The following CEP57L1 variants were observed in gnomAD, a reference collection of about 807,000 sequenced individuals.
The protein encoded by CEP57L1 is centrosomal protein CEP57L1.
Under a neutral mutation model 61.0 loss-of-function variants are expected in CEP57L1, and 37 were observed. That is an observed-to-expected ratio of 0.61 (90% CI 0.47 to 0.80). The LOEUF (loss-of-function observed/expected upper bound fraction) is 0.80. Among genes scored for constraint, CEP57L1 ranks in the 30% least tolerant of loss-of-function variants. The probability of loss-of-function intolerance (pLI) is 0.00; values close to 1 mark genes in which losing one functional copy is unlikely to be tolerated. For missense variants in CEP57L1, 422 were observed against 524.7 expected, an observed-to-expected ratio of 0.80 and a Z score of 1.91; for synonymous variants, 137 against 162.3, an observed-to-expected ratio of 0.84 and a Z score of 1.19.
Position 109,155,220 on chromosome 6 carries a change from T to C in CEP57L1, c.580-10T>C. 1 of 1,527,976 alleles carries C rather than the reference T, an allele frequency of 6.5e-7. No individual in the cohort carries two copies. Among genetic ancestry groups the C allele is most frequent in the Non-Finnish European group, 8.9e-7 (1 of 1,120,654 alleles). The allele number at this position is 1,527,976 out of a possible 1,614,324, so 94.7% of individuals were successfully genotyped here. A position where few individuals can be genotyped will look rare whatever the true frequency, so the allele number is the denominator to read the frequency against. On this transcript the variant is annotated splice_polypyrimidine_tract_variant and intron_variant, in intron 5 of 10. Coordinates refer to ENST00000517392, the MANE Select transcript of CEP57L1 (RefSeq NM_001271852.3). ...TTTATGTAACAATCTTAGTTTTTAC[T>C]CTTTTGCAGGACAAGATTAAACATT...
In CEP57L1 at chr6:109,146,589, G is replaced by A. The variant is rs577096398; in HGVS notation, c.161-169G>A. ...AAGATATATTAGAGAGAAAATGTGC[G>A]CCTCTTCAAAGTGTTAGTCATTATT... is the stretch of plus-strand genomic sequence containing the variant. On this transcript the variant is annotated intron_variant, in intron 2 of 10. Coordinates refer to ENST00000517392, the MANE Select transcript of CEP57L1 (RefSeq NM_001271852.3). Among the ~76,000 whole-genome samples the A allele has an allele frequency of 1.2e-4, 18 of 151,934 alleles. No homozygotes were observed. The South Asian group carries it at 2.5e-3, about 21-fold the overall frequency.
intron 1 of CEP57L1, among the ~76,000 whole-genome samples, chr6:109,098,120 A>T (rs1440536116): frequency 6.6e-6 from 1 of 151,730 alleles, no homozygotes; most frequent in Admixed American, 6.6e-5. Flanking sequence ...AAAAATGACT[A>T]CTTTTCTCTC....
intron 1 of CEP57L1, among the ~76,000 whole-genome samples, chr6:109,111,421 G>T (rs1771604622): frequency 6.6e-6 from 1 of 152,054 alleles, no homozygotes; most frequent in Admixed American, 6.6e-5. Context: ...GGAGATTTTG[G>T]GCTGAGACGA....
intron 1 of CEP57L1, among the ~76,000 whole-genome samples, chr6:109,139,842 G>C (rs933869827): frequency 3.3e-5 from 5 of 152,028 alleles, no homozygotes; most frequent in African/African-American, 1.2e-4. Flanking sequence ...ATGTTGGCCA[G>C]GCTGGTCTCG....
intron 1 of CEP57L1, among the ~76,000 whole-genome samples, chr6:109,119,212 G>T (rs1361823443): frequency 6.6e-6 from 1 of 152,232 alleles, no homozygotes; most frequent in African/African-American, 2.4e-5. Flanking sequence ...TTATTCTGCA[G>T]TCACTGAAGA....
At chr6:109,108,306 T>C (rs1286278599) in intron 1 of CEP57L1, among the ~76,000 whole-genome samples, 1 of 151,586 alleles carries the variant, frequency 6.6e-6, no homozygotes, top group African/African-American at 2.4e-5. Context: ...AGTGGCGCGA[T>C]CTCAGCTCAC....
intron 1 of CEP57L1, among the ~76,000 whole-genome samples, chr6:109,123,715 C>T (rs574089400): frequency 6.6e-6 from 1 of 152,192 alleles, no homozygotes; most frequent in South Asian, 2.1e-4. Flanking sequence ...ATTTGACATC[C>T]TAATTTTCTC....
intron 4 of CEP57L1, among the ~76,000 whole-genome samples, chr6:109,152,077 CTCT>C (rs1290786844): frequency 6.6e-6 from 1 of 152,154 alleles, no homozygotes; most frequent in African/African-American, 2.4e-5. Flanking sequence ...CCACCTCTCT[CTCT>C]TCTTCTCTGG....
intron 1 of CEP57L1, among the ~76,000 whole-genome samples, chr6:109,126,695 T>G (rs973228995): frequency 8.5e-5 from 13 of 152,234 alleles, no homozygotes; most frequent in Admixed American, 8.5e-4. Context: ...AGGAGAAATC[T>G]AATTATTAGT....
At position 109,150,134 on chromosome 6, in the gene CEP57L1, A is replaced by G; in HGVS notation, c.357A>G (p.Leu119=). The G allele has an allele frequency of 6.2e-7, 1 of 1,603,098 alleles. No individual in the cohort carries two copies. Residue 119 remains leucine (L), a synonymous_variant, in exon 4 of 11, where the codon TTA becomes TTG. Coordinates refer to ENST00000517392, the MANE Select transcript of CEP57L1 (RefSeq NM_001271852.3). ...ATTTCATAGATATAAGTATACAGTT[A>G]AGCTCAGCCCAGTCTCGTTGTACTC... is the stretch of plus-strand genomic sequence containing the variant. The part of the protein sequence containing the change: ...IKQKKDISIQ[L]SSAQSRCTLL...
At position 109,171,178 on chromosome 6, in the gene CEP57L1, A is replaced by G. The variant is rs1488449716; in HGVS notation, c.*8208A>G. 6.6e-6 allele frequency among the ~76,000 whole-genome samples: 1 copy of G among 151,598 alleles called. No individual in the cohort carries two copies. The highest frequency in any genetic ancestry group is 2.4e-5 in the African/African-American group (1 of 41,258). The stretch of plus-strand genomic sequence containing the variant: ...TGTGCCTTTGGTGTTTGGGTATGAT[A>G]TATTTGCCTGTGATTTCTCATTCTC... On this transcript the variant is annotated 3_prime_UTR_variant, in exon 11 of 11. Coordinates refer to ENST00000517392, the MANE Select transcript of CEP57L1 (RefSeq NM_001271852.3).
intron 3 of CEP57L1, among the ~76,000 whole-genome samples, chr6:109,149,440 A>G (rs969945345): frequency 2.0e-5 from 3 of 152,030 alleles, no homozygotes; most frequent in African/African-American, 7.2e-5. Context: ...GATATGCGGC[A>G]TTATTTCTGA....
chr6:109,103,555 G>A (rs749110532), intron 1 of CEP57L1, among the ~76,000 whole-genome samples: 11 of 151,860 alleles, frequency 7.2e-5, no homozygotes, highest in African/African-American at 1.2e-4. Flanking sequence ...ATGTTATTTT[G>A]GTTCCATCTT....
chr6:109,119,521 G>C (rs1583444929), intron 1 of CEP57L1, among the ~76,000 whole-genome samples: 1 of 152,154 alleles, frequency 6.6e-6, no homozygotes, highest in East Asian at 1.9e-4. Flanking sequence ...AAGAAAAACT[G>C]TTTTGAGGCA....
intron 1 of CEP57L1, among the ~76,000 whole-genome samples, chr6:109,107,380 A>G (rs779137695): frequency 2.6e-5 from 4 of 152,092 alleles, no homozygotes; most frequent in Admixed American, 2.0e-4. Flanking sequence ...TTTCTCTTTC[A>G]TATTAATCAG....
At chr6:109,157,302 C>T (rs1773308442) in intron 7 of CEP57L1, 1 of 152,144 alleles carries the variant, frequency 6.6e-6, no homozygotes, top group Non-Finnish European at 1.5e-5. Flanking sequence ...AGATCTGCTT[C>T]CCATCACACT....
intron 4 of CEP57L1, among the ~76,000 whole-genome samples, chr6:109,153,458 C>G (rs548225659): frequency 1.3e-5 from 2 of 151,824 alleles, no homozygotes; most frequent in African/African-American, 4.8e-5. Context: ...GTTGCCCAGG[C>G]TGGCCTCAAA....
In CEP57L1 at chr6:109,174,322, AG is replaced by A. The variant is rs964114935; in HGVS notation, c.*11354del. ...ATCATTCCCATCCCATCACAGATCC[AG>A]GCTTATTTGTAGAATGGTTACACAA... is the stretch of plus-strand genomic sequence containing the variant. On this transcript the variant is annotated 3_prime_UTR_variant, in exon 11 of 11. Coordinates refer to ENST00000517392, the MANE Select transcript of CEP57L1 (RefSeq NM_001271852.3). 2.6e-5 allele frequency among the ~76,000 whole-genome samples: 4 copies of A among 152,218 alleles called. No homozygotes were observed. Among genetic ancestry groups the A allele is most frequent in the East Asian group, 1.9e-4 (1 of 5,196 alleles).
chr6:109,162,770 G>T lies in CEP57L1; in HGVS notation c.1183G>T (p.Val395Phe). The T allele has an allele frequency of 6.2e-7, 1 of 1,612,626 alleles. No homozygotes were observed. Among genetic ancestry groups the T allele is most frequent in the Non-Finnish European group, 8.5e-7 (1 of 1,179,248 alleles). Residue 395 changes from valine (V) to phenylalanine (F), a missense_variant, in exon 11 of 11, where the codon GTT (valine) becomes TTT (phenylalanine). Coordinates refer to ENST00000517392, the MANE Select transcript of CEP57L1 (RefSeq NM_001271852.3). ...QDSVCKLQQK[V>F]QNSKMSEASG... ...CCAGGTCTGTAAACTGCAGCAAAAA[G>T]TTCAAAACTCAAAGATGAGTGAAGC...
Sources: allele counts gnomAD v4.1 joint callset (sites outside exome capture counted in the v4.1 genomes callset), GRCh38; gene constraint gnomAD v4.1.1; transcripts MANE v1.5; gene names NCBI Gene and HGNC (gene_info 2026-07-23, HGNC 2026-07-21).